Variants in SHOX observed in about 807,000 individuals in gnomAD.
SHOX encodes the protein short stature homeobox protein.
A neutral mutation model predicts 29.6 loss-of-function variants in SHOX; 12 were observed. The observed-to-expected ratio is 0.41, with a 90% confidence interval of 0.26 to 0.66. SHOX has a LOEUF of 0.66. Ranked by LOEUF, SHOX falls within the 30% of genes least tolerant of loss-of-function variation. The pLI is 0.35. For synonymous variants in SHOX, 214 were observed against 200.6 expected, an observed-to-expected ratio of 1.07 and a Z score of -0.57; for missense variants, 499 against 437.7, an observed-to-expected ratio of 1.14 and a Z score of -1.25.
At chrX:642,348 G>C (rs1335714745) in intron 4 of SHOX, among the ~76,000 whole-genome samples, 1 of 151,930 alleles carries the variant, frequency 6.6e-6, no homozygotes, top group Admixed American at 6.5e-5. Context: ...CTTCTTCACC[G>C]TTTTATTCCA....
In SHOX at chrX:644,708, C is replaced by G; in HGVS notation, c.*72C>G. On this transcript the variant is annotated 3_prime_UTR_variant, in exon 5 of 5. Coordinates refer to ENST00000686671, the MANE Select transcript of SHOX (RefSeq NM_000451.4). ...CCCCGCCTGCACCGCGCGTCCTGCA[C>G]TCAACCCCGCCTGGAGCTCCTTCCG... 7.4e-7 allele frequency: 1 copy of G among 1,352,484 alleles called. No homozygotes were observed. The highest frequency in any genetic ancestry group is 9.4e-7 in the Non-Finnish European group (1 of 1,060,612). 83.8% of individuals were successfully genotyped at this position (1,352,484 alleles called of 1,614,324 possible).
chrX:635,986 A>G (rs2052740176), intron 2 of SHOX, among the ~76,000 whole-genome samples: 1 of 152,000 alleles, frequency 6.6e-6, no homozygotes, highest in Admixed American at 6.6e-5. Context: ...CGTTCAAAGC[A>G]AAGAGACGAA....
At chrX:638,772 G>T (rs774765782) in intron 2 of SHOX, among the ~76,000 whole-genome samples, 1 of 152,222 alleles carries the variant, frequency 6.6e-6, no homozygotes, top group Non-Finnish European at 1.5e-5. Context: ...TGCACAGTGT[G>T]TAAGGGTGGC....
At chrX:629,396 TC>T (rs2052606807), upstream of SHOX, among the ~76,000 whole-genome samples, 1 of 151,444 alleles carries the variant, frequency 6.6e-6, no homozygotes, top group Non-Finnish European at 1.5e-5. Flanking sequence ...TCTCTTTCTC[TC>T]TCTCCATCTC....
chrX:634,658 G>T lies in SHOX; in HGVS notation c.318G>T (p.Ser106=). ...AAGAGAAGCGCGAGGACGTGAAGTC[G>T]GAGGACGAGGACGGGCAGACCAAGC... ...ECKEKREDVK[S]EDEDGQTKLK... The change falls in exon 2 of 5, where the codon TCG becomes TCT. Residue 106 remains serine (S), a synonymous_variant. Coordinates refer to ENST00000686671, the MANE Select transcript of SHOX (RefSeq NM_000451.4). The T allele has an allele frequency of 6.2e-7, 1 of 1,613,894 alleles. No homozygotes were observed. The highest frequency in any genetic ancestry group is 1.3e-5 in the African/African-American group (1 of 75,058).
upstream of SHOX, chrX:630,669 C>T: frequency 1.6e-6 from 1 of 611,362 alleles, no homozygotes; most frequent in Non-Finnish European, 2.9e-6. Flanking sequence ...GTGGGGGAGA[C>T]ACAGCGTCTC....
exon 6 of SHOX, chrX:659,020 C>T (rs905440101): frequency 1.2e-5 from 2 of 165,810 alleles, no homozygotes; most frequent in African/African-American, 4.8e-5. Context: ...CCGCCTTAGC[C>T]TCCCAAAGTG....
Position 650,815 on chromosome X carries a change from A to AAAAAAAC in SHOX, c.*6183_*6184insAACAAAA. Among the ~76,000 whole-genome samples the AAAAAAAC allele has an allele frequency of 6.6e-6, 1 of 151,094 alleles. No individual in the cohort carries two copies. The highest frequency in any genetic ancestry group is 1.5e-5 in the Non-Finnish European group (1 of 67,760). On this transcript the variant is annotated 3_prime_UTR_variant, in exon 5 of 5. Transcript: ENST00000686671. ...ATTAAAAAAAAAAAAAAAAAAAAAAAAAAACTGGTGCCTAATTTATTAAAG... is the reference window on the plus strand; with the variant it reads ...ATTAAAAAAAAAAAAAAAAAAAAAAAAAAAAACAAAACTGGTGCCTAATTTATTAAAG...
intron 1 of SHOX, among the ~76,000 whole-genome samples, chrX:633,103 C>T (rs1449983986): frequency 1.3e-5 from 2 of 152,122 alleles, no homozygotes; most frequent in Admixed American, 6.5e-5. Flanking sequence ...GAAAGACCCC[C>T]GGGCCAGGAC....
Position 644,712 on chromosome X carries a change from A to C in SHOX, c.*76A>C. ...GCCTGCACCGCGCGTCCTGCACTCA[A>C]CCCCGCCTGGAGCTCCTTCCGCGGC... On this transcript the variant is annotated 3_prime_UTR_variant, in exon 5 of 5. Transcript: ENST00000686671. 7.4e-7 allele frequency: 1 copy of C among 1,344,724 alleles called. No homozygotes were observed. The highest frequency in any genetic ancestry group is 9.5e-7 in the Non-Finnish European group (1 of 1,055,608). The allele number at this position is 1,344,724 out of a possible 1,614,324, so 83.3% of individuals were successfully genotyped here.
At chrX:653,583 A>C (rs191459447), downstream of SHOX, among the ~76,000 whole-genome samples, 4 of 152,102 alleles carry the variant, frequency 2.6e-5, no homozygotes, top group East Asian at 7.7e-4. Flanking sequence ...TGATTTTTCC[A>C]TGGGTTGTCT....
intron 1 of SHOX, chrX:624,710 T>C (rs2052473193): frequency 4.5e-5 from 6 of 133,286 alleles, no homozygotes; most frequent in African/African-American, 1.5e-4. Flanking sequence ...CTTTTCTTTC[T>C]TTCTTTCTTT....
intron 2 of SHOX, among the ~76,000 whole-genome samples, chrX:635,391 G>C (rs1185966857): frequency 2.6e-5 from 4 of 152,194 alleles, no homozygotes; most frequent in Non-Finnish European, 4.4e-5. Flanking sequence ...TGAAAGGAGA[G>C]GGGTGTCCTC....
upstream of SHOX, chrX:630,781 A>C (rs1036112984): frequency 7.8e-7 from 1 of 1,285,634 alleles, no homozygotes; most frequent in Non-Finnish European, 1.1e-6. Context: ...GAGATTTCCA[A>C]TGGAAAGGCG....
rs2053026192 is a variant in SHOX at position 649,798 on chromosome X, A to C, written c.*5162A>C. 2 of 421,198 alleles carry C rather than the reference A, an allele frequency of 4.7e-6. No homozygotes were observed. 26.1% of individuals were successfully genotyped at this position (421,198 alleles called of 1,614,324 possible). A position where few individuals can be genotyped will look rare whatever the true frequency, so the allele number is the denominator to read the frequency against. On this transcript the variant is annotated 3_prime_UTR_variant, in exon 5 of 5. Transcript: ENST00000686671. ...ACGTATTTTCTTCCCTCCTCTCCCC[A>C]AAACTTGGCCAAATAGTCCGTGGAG... is the stretch of plus-strand genomic sequence containing the variant.
intron 2 of SHOX, among the ~76,000 whole-genome samples, chrX:640,551 G>C (rs761958612): frequency 1.3e-5 from 2 of 152,132 alleles, no homozygotes. Context: ...ACTCCAGCCT[G>C]GGCGACAGAG....
intron 1 of SHOX, among the ~76,000 whole-genome samples, chrX:624,862 T>TTTTC (rs928739665): frequency 0.032 from 2,434 of 76,774 alleles, 51 homozygotes; most frequent in East Asian, 0.092. Context: ...TCTTTCTTTC[T>TTTTC]TTTCTTTCTT....
At chrX:626,779 TTCTCTG>T (rs2052546091), upstream of SHOX, among the ~76,000 whole-genome samples, 1 of 142,150 alleles carries the variant, frequency 7.0e-6, no homozygotes, top group African/African-American at 2.9e-5. Context: ...TCCTCTCTTT[TTCTCTG>T]TCTCTGTATC....
chrX:651,594 T>TTA (rs2053065135), downstream of SHOX: 1 of 161,324 alleles, frequency 6.2e-6, no homozygotes, highest in African/African-American at 2.9e-5. Context: ...ATTCAAGTGT[T>TTA]AAAAAAAAAA....
Sources: gnomAD v4.1 joint callset for allele counts (sites outside exome capture counted in the v4.1 genomes callset) on GRCh38, gnomAD v4.1.1 for gene constraint, MANE v1.5 for transcripts, NCBI Gene and HGNC (gene_info 2026-07-23, HGNC 2026-07-21) for gene names.